GOLGA7B: variants seen among roughly 807,000 people sequenced by gnomAD.
GOLGA7B encodes the protein golgin A7 family member B.
GOLGA7B carries 17 observed loss-of-function variants against 21.5 expected under a neutral mutation model. The observed-to-expected ratio is 0.79, with a 90% CI of 0.54 to 1.19. GOLGA7B has a LOEUF of 1.19. Among genes scored for constraint, GOLGA7B ranks in the 50% most tolerant of loss-of-function variants. The pLI is 0.00. For missense variants in GOLGA7B, 169 were observed against 224.4 expected, an observed-to-expected ratio of 0.75 and a Z score of 1.58; for synonymous variants, 87 against 84.0, an observed-to-expected ratio of 1.04 and a Z score of -0.19.
At chr10:97,863,448 C>T (rs986725014) in intron 2 of GOLGA7B, among the ~76,000 whole-genome samples, 1 of 152,102 alleles carries the variant, frequency 6.6e-6, no homozygotes, top group Non-Finnish European at 1.5e-5. Context: ...GGAGAGATGC[C>T]CCTGAGGTCT....
intron 1 of GOLGA7B, among the ~76,000 whole-genome samples, chr10:97,852,283 G>C (rs993700441): frequency 2.0e-5 from 3 of 152,152 alleles, no homozygotes; most frequent in South Asian, 2.1e-4. Context: ...GTGAAGCTTT[G>C]GTGGAGAGAG....
At chr10:97,850,883 G>C (rs1332496394) in intron 1 of GOLGA7B, among the ~76,000 whole-genome samples, 1 of 146,756 alleles carries the variant, frequency 6.8e-6, no homozygotes, top group African/African-American at 2.6e-5. Context: ...TTTTGTCCCA[G>C]GGTGTCCAGA....
intron 2 of GOLGA7B, among the ~76,000 whole-genome samples, chr10:97,863,316 G>A (rs559119901): frequency 6.6e-5 from 10 of 152,330 alleles, no homozygotes; most frequent in Admixed American, 3.3e-4. Flanking sequence ...CACACAGAAA[G>A]TGCTTAATAC....
intron 1 of GOLGA7B, 120 bp from the exon 2 acceptor site, chr10:97,859,338 C>T (rs2049955933): frequency 1.0e-6 from 1 of 998,942 alleles, no homozygotes; most frequent in Non-Finnish European, 1.5e-6. Flanking sequence ...CTTGTCTCTG[C>T]ATGCTGGGAA....
chr10:97,850,951 C>T (rs1050118909), intron 1 of GOLGA7B, among the ~76,000 whole-genome samples: 1 of 150,256 alleles, frequency 6.7e-6, no homozygotes, highest in African/African-American at 2.5e-5. Flanking sequence ...ATAGGTGTGT[C>T]ACCTTCAAGC....
chr10:97,851,808 G>A (rs2136511753), intron 1 of GOLGA7B, among the ~76,000 whole-genome samples: 1 of 152,362 alleles, frequency 6.6e-6, no homozygotes, highest in East Asian at 1.9e-4. Flanking sequence ...ATGGCCCACA[G>A]ATTCCAACCA....
chr10:97,867,552 C>T lies in GOLGA7B; in HGVS notation c.*1852C>T, dbSNP rs2136523641. On this transcript the variant is annotated 3_prime_UTR_variant, in exon 5 of 5. Coordinates refer to ENST00000370602, the MANE Select transcript of GOLGA7B (RefSeq NM_001010917.3). ...TCCTCGGCCCAAGTGAGTCCTGGTC[C>T]AAGGATCCCCCTGGAGAGCCGCAGT... 6.6e-6 allele frequency: 1 copy of T among 152,476 alleles called. No individual in the cohort carries two copies. The highest frequency in any genetic ancestry group is 2.1e-4 in the South Asian group (1 of 4,820). 9.4% of individuals were successfully genotyped at this position (152,476 alleles called of 1,614,324 possible).
Position 97,866,015 on chromosome 10 carries a change from C to A in GOLGA7B, c.*315C>A. 2.7e-6 allele frequency: 1 copy of A among 374,030 alleles called. No homozygotes were observed. Among genetic ancestry groups the A allele is most frequent in the East Asian group, 4.3e-5 (1 of 23,138 alleles). The allele number at this position is 374,030 out of a possible 1,614,324, so 23.2% of individuals were successfully genotyped here. Reference sequence around the variant, plus strand: ...GGAGAACACAACCTAGGCGGCCCCTCTCTTCCACAGCCCCTCTCCCAACCC... The same window carrying A: ...GGAGAACACAACCTAGGCGGCCCCTATCTTCCACAGCCCCTCTCCCAACCC... On this transcript the variant is annotated 3_prime_UTR_variant, in exon 5 of 5. Transcript: ENST00000370602.
In GOLGA7B at chr10:97,865,835, T is replaced by G. The variant is rs1590165304; in HGVS notation, c.*135T>G. Reference sequence around the variant, plus strand: ...CTGCTGCCCGGGGTGGGAGGGAGGGTGACGGGCCTCATATTTCCTGTGGGC... The same window carrying G: ...CTGCTGCCCGGGGTGGGAGGGAGGGGGACGGGCCTCATATTTCCTGTGGGC... On this transcript the variant is annotated 3_prime_UTR_variant, in exon 5 of 5. Transcript: ENST00000370602. 5.3e-5 allele frequency: 39 copies of G among 735,376 alleles called. No homozygotes were observed. The highest frequency in any genetic ancestry group is 6.9e-5 in the East Asian group (2 of 28,974). 45.6% of individuals were successfully genotyped at this position (735,376 alleles called of 1,614,324 possible).
At chr10:97,862,447 A>G (rs1222694349) in intron 2 of GOLGA7B, among the ~76,000 whole-genome samples, 1 of 152,230 alleles carries the variant, frequency 6.6e-6, no homozygotes, top group East Asian at 1.9e-4. Context: ...CACATTTTGC[A>G]TGTTATGTAT....
rs1209357912 is a variant in GOLGA7B, at chr10:97,868,852, CATAATA to C, written c.*3159_*3164del. On this transcript the variant is annotated 3_prime_UTR_variant, in exon 5 of 5. Coordinates refer to ENST00000370602, the MANE Select transcript of GOLGA7B (RefSeq NM_001010917.3). ...AACCCTTCCATTTTCAAATGGTAAT[CATAATA>C]ATAATAGTAGCTGACGTTTATTTAG... 2 of 152,156 alleles carry C rather than the reference CATAATA, an allele frequency of 1.3e-5. No individual in the cohort carries two copies. The highest frequency in any genetic ancestry group is 4.8e-5 in the African/African-American group (2 of 41,420). The allele number at this position is 152,156 out of a possible 1,614,324, so 9.4% of individuals were successfully genotyped here.
chr10:97,864,393 CATCAGTGG>C, intron 4 of GOLGA7B, 124 bp downstream of exon 4: 1 of 706,206 alleles, frequency 1.4e-6, no homozygotes, highest in Non-Finnish European at 2.4e-6. Flanking sequence ...GGATTCCCCA[CATCAGTGG>C]TCCTCAGCCC....
intron 1 of GOLGA7B, among the ~76,000 whole-genome samples, chr10:97,855,835 C>T (rs1015830893): frequency 4.6e-5 from 7 of 152,126 alleles, no homozygotes; most frequent in African/African-American, 1.7e-4. Flanking sequence ...CAATGAAAAC[C>T]TTGATTAGAG....
chr10:97,857,706 T>G (rs1359496644), intron 1 of GOLGA7B, among the ~76,000 whole-genome samples: 1 of 152,136 alleles, frequency 6.6e-6, no homozygotes, highest in Admixed American at 6.5e-5. Context: ...AGAACAATCC[T>G]ATGCAAAGAA....
In GOLGA7B at chr10:97,865,577, C is replaced by T. The variant is rs751368422; in HGVS notation, c.394-13C>T. ...CAGCTGGGCTCGCAGCTCTCCTTAA[C>T]CACCGACCCCAGATTGAGATCTCCA... On this transcript the variant is annotated splice_polypyrimidine_tract_variant and intron_variant, in intron 4 of 4. Coordinates refer to ENST00000370602, the MANE Select transcript of GOLGA7B (RefSeq NM_001010917.3). 6.2e-7 allele frequency: 1 copy of T among 1,612,544 alleles called. No individual in the cohort carries two copies. Among genetic ancestry groups the T allele is most frequent in the Admixed American group, 1.7e-5 (1 of 59,992 alleles).
intron 1 of GOLGA7B, among the ~76,000 whole-genome samples, chr10:97,853,567 T>G (rs1320829159): frequency 6.6e-6 from 1 of 152,126 alleles, no homozygotes; most frequent in Non-Finnish European, 1.5e-5. Flanking sequence ...TTTTCTTCCT[T>G]ATGAAATGCT....
chr10:97,859,048 T>C (rs1255285234), intron 1 of GOLGA7B, among the ~76,000 whole-genome samples: 1 of 152,184 alleles, frequency 6.6e-6, no homozygotes, highest in Non-Finnish European at 1.5e-5. Context: ...TGGCCCTGCT[T>C]TAGGCTTGTT....
In GOLGA7B at chr10:97,859,545, C is replaced by T. The variant is rs2049957889; in HGVS notation, c.100C>T (p.Gln34Ter). Residue 34 changes from glutamine to a stop codon, truncating the protein, a stop_gained, in exon 2 of 5, where the codon CAG becomes TAG. Coordinates refer to ENST00000370602, the MANE Select transcript of GOLGA7B (RefSeq NM_001010917.3). LOFTEE classifies it high-confidence loss of function. Reference sequence around the variant, plus strand: ...AGACTACAGCGATGGGACCATCTGTCAGTTCCAGACCAAATTCCCCCCAGA... The same window carrying T: ...AGACTACAGCGATGGGACCATCTGTTAGTTCCAGACCAAATTCCCCCCAGA... ...QRDYSDGTIC[Q>*]FQTKFPPELD... is the part of the protein sequence containing the mutation. 2 of 1,614,060 alleles carry T rather than the reference C, an allele frequency of 1.2e-6. No homozygotes were observed. The highest frequency in any genetic ancestry group is 3.3e-5 in the Admixed American group (2 of 60,006).
At position 97,866,019 on chromosome 10, in the gene GOLGA7B, T is replaced by C; in HGVS notation, c.*319T>C. Reference sequence around the variant, plus strand: ...AACACAACCTAGGCGGCCCCTCTCTTCCACAGCCCCTCTCCCAACCCTGCG... The same window carrying C: ...AACACAACCTAGGCGGCCCCTCTCTCCCACAGCCCCTCTCCCAACCCTGCG... On this transcript the variant is annotated 3_prime_UTR_variant, in exon 5 of 5. Transcript: ENST00000370602. The C allele has an allele frequency of 2.8e-6, 1 of 361,570 alleles. No homozygotes were observed. The highest frequency in any genetic ancestry group is 5.0e-6 in the Non-Finnish European group (1 of 199,620). 22.4% of individuals were successfully genotyped at this position (361,570 alleles called of 1,614,324 possible).
Sources: allele counts gnomAD v4.1 joint callset (sites outside exome capture counted in the v4.1 genomes callset), GRCh38; gene constraint gnomAD v4.1.1; transcripts MANE v1.5; gene names NCBI Gene and HGNC (gene_info 2026-07-23, HGNC 2026-07-21).